NCOA4: variants seen among roughly 807,000 people sequenced by gnomAD.
The protein encoded by NCOA4 is 70 kDa AR-activator.
NCOA4 carries 31 observed loss-of-function variants against 69.5 expected under a neutral mutation model. The observed-to-expected ratio is 0.45, with a 90% confidence interval of 0.34 to 0.60. The LOEUF is 0.60. Among genes scored for constraint, NCOA4 ranks in the 20% least tolerant of loss-of-function variants. The pLI is 0.02. For synonymous variants in NCOA4, 228 were observed against 252.4 expected (o/e 0.90, Z 0.92); for missense variants, 600 against 719.2 (o/e 0.83, Z 1.90).
chr10:46,025,764 T>C (rs1351798027), intron 1 of NCOA4, among the ~76,000 whole-genome samples: 2 of 152,232 alleles, frequency 1.3e-5, no homozygotes, highest in Non-Finnish European at 2.9e-5. Context: ...ATTACCACTG[T>C]AATCTGTATG....
At position 46,019,590 on chromosome 10, in the gene NCOA4, G is replaced by A. The variant is rs533600879; in HGVS notation, c.-14-2896C>T. ...AAAACTCCAGAATTCCGGAACATAC[G>A]GGAGACAAACTCAAATACATACAGT... On this transcript the variant is annotated intron_variant, in intron 1 of 9. Coordinates refer to ENST00000581486, the MANE Select transcript of NCOA4 (RefSeq NM_001145263.2). 11 of 904,454 alleles carry A rather than the reference G, an allele frequency of 1.2e-5. No individual in the cohort carries two copies. In the East Asian group the frequency reaches 7.2e-4, roughly 59 times the overall value. 56.0% of individuals were successfully genotyped at this position (904,454 alleles called of 1,614,324 possible).
Position 46,015,155 on chromosome 10 carries a change from G to A in NCOA4, c.253C>T (p.Leu85Phe), listed in dbSNP as rs1839463575. 6.2e-7 allele frequency: 1 copy of A among 1,614,194 alleles called. No individual in the cohort carries two copies. Among genetic ancestry groups the A allele is most frequent in the Non-Finnish European group, 8.5e-7 (1 of 1,180,036 alleles). The change falls in exon 3 of 10, where the codon CTT becomes TTT. Residue 85 changes from leucine (L) to phenylalanine (F), a missense_variant. Physicochemically the swap from Leu to Phe is conservative, Grantham distance 22. Coordinates refer to ENST00000581486, the MANE Select transcript of NCOA4 (RefSeq NM_001145263.2). ...DLIYQLKEETLQQQAQQLYSL... is the reference protein window; with the variant it reads ...DLIYQLKEETFQQQAQQLYSL... ...TAGAGCTGCTGAGCCTGCTGTTGAAGTGTCTCCTCTTTAAGCTGATAAATA... is the reference window on the plus strand; with the variant it reads ...TAGAGCTGCTGAGCCTGCTGTTGAAATGTCTCCTCTTTAAGCTGATAAATA...
In NCOA4 at chr10:46,010,228, C is replaced by T. The variant is rs1839123679; in HGVS notation, c.1693G>A (p.Ala565Thr). Residue 565 changes from alanine to threonine, a missense_variant, in exon 8 of 10, where the codon GCC becomes ACC. Coordinates refer to ENST00000581486, the MANE Select transcript of NCOA4 (RefSeq NM_001145263.2). ...GEDKWLLRKKAQEVLLNSPLQ... is the reference protein window; with the variant it reads ...GEDKWLLRKKTQEVLLNSPLQ... ...ATTTTGATGTTTATGCTCACCTGGG[C>T]CTTCTTTCGAAGCAGCCACTTGTCT... The T allele has an allele frequency of 6.2e-7, 1 of 1,600,702 alleles. No homozygotes were observed. The highest frequency in any genetic ancestry group is 8.5e-7 in the Non-Finnish European group (1 of 1,175,760).
chr10:46,014,358 G>T, intron 5 of NCOA4, 86 bp downstream of exon 5: 1 of 955,898 alleles, frequency 1.0e-6, no homozygotes, highest in Admixed American at 2.3e-5. Flanking sequence ...TCTCAAGAAA[G>T]TCACTATTCA....
At chr10:46,024,631 A>G (rs946543093) in intron 1 of NCOA4, among the ~76,000 whole-genome samples, 7 of 152,240 alleles carry the variant, frequency 4.6e-5, no homozygotes, top group African/African-American at 1.7e-4. Flanking sequence ...AAAATCACAA[A>G]AATCTAAAAT....
chr10:46,009,050 G>A, intron 9 of NCOA4: 1 of 991,806 alleles, frequency 1.0e-6, no homozygotes, highest in Non-Finnish European at 1.5e-6. Flanking sequence ...ATATGCAATG[G>A]GAAACCAAAG....
At chr10:46,025,781 C>A (rs188379046) in intron 1 of NCOA4, among the ~76,000 whole-genome samples, 2 of 152,176 alleles carry the variant, frequency 1.3e-5, no homozygotes, top group African/African-American at 4.8e-5. Context: ...TATGGGTTTC[C>A]GGCAGGACGC....
chr10:46,010,956 C>G lies in NCOA4; in HGVS notation c.965G>C (p.Arg322Pro), dbSNP rs1194398712. 6.2e-7 allele frequency: 1 copy of G among 1,613,974 alleles called. No homozygotes were observed. Among genetic ancestry groups the G allele is most frequent in the Non-Finnish European group, 8.5e-7 (1 of 1,179,868 alleles). Residue 322 changes from arginine to proline, a missense_variant, in exon 8 of 10, where the codon CGT becomes CCT. Transcript: ENST00000581486. The part of the protein sequence containing the change: ...HKLRKPENGS[R>P]ETSEKFKLLF... ...GAGCTTAAACTTCTCACTGGTTTCA[C>G]GACTGCCATTCTCAGGCTTCCGCAG...
At chr10:46,006,977 C>T (rs782390511) in intron 9 of NCOA4, among the ~76,000 whole-genome samples, 1 of 152,168 alleles carries the variant, frequency 6.6e-6, no homozygotes, top group Non-Finnish European at 1.5e-5. Context: ...TTAAACTTAG[C>T]GAGAAAGTCA....
intron 1 of NCOA4, among the ~76,000 whole-genome samples, chr10:46,024,443 A>C (rs1267396108): frequency 3.9e-5 from 6 of 152,170 alleles, no homozygotes; most frequent in Non-Finnish European, 8.8e-5. Flanking sequence ...TTCTCTCTCT[A>C]AAAGATCCTG....
rs781935886 is a variant in NCOA4, at chr10:46,010,476, A to G, written c.1445T>C (p.Ile482Thr). ...CTTTATGACTTGGAAGGAATCAGCAATTCTAGAAGGAGTCATTGCCTTTGG... is the reference window on the plus strand; with the variant it reads ...CTTTATGACTTGGAAGGAATCAGCAGTTCTAGAAGGAGTCATTGCCTTTGG... ...KAPKAMTPSR[I>T]ADSFQVIKNS... The change falls in exon 8 of 10, where the codon ATT becomes ACT. Residue 482 changes from isoleucine (I) to threonine (T), a missense_variant. Transcript: ENST00000581486. The G allele has an allele frequency of 6.2e-7, 1 of 1,614,228 alleles. No homozygotes were observed. Among genetic ancestry groups the G allele is most frequent in the Non-Finnish European group, 8.5e-7 (1 of 1,180,044 alleles).
intron 1 of NCOA4, among the ~76,000 whole-genome samples, chr10:46,027,703 C>T (rs533482499): frequency 5.4e-4 from 82 of 152,298 alleles, no homozygotes; most frequent in African/African-American, 1.7e-3. Flanking sequence ...TTTAGGCTTG[C>T]CTTTGCAACC....
At chr10:46,027,934 C>T (rs1311528554) in intron 1 of NCOA4, among the ~76,000 whole-genome samples, 7 of 152,308 alleles carry the variant, frequency 4.6e-5, no homozygotes, top group South Asian at 4.1e-4. Context: ...GAAGTATTAC[C>T]TATTTTTATT....
chr10:46,023,615 C>A (rs1367478991), intron 1 of NCOA4, among the ~76,000 whole-genome samples: 1 of 152,212 alleles, frequency 6.6e-6, no homozygotes, highest in East Asian at 1.9e-4. Context: ...CGCCTGCTGC[C>A]CCCGCCCGGC....
At chr10:46,020,407 C>A (rs1422440712) in intron 1 of NCOA4, among the ~76,000 whole-genome samples, 2 of 152,152 alleles carry the variant, frequency 1.3e-5, no homozygotes, top group African/African-American at 4.8e-5. Flanking sequence ...ATATGTCTAC[C>A]GGCACTTAGC....
chr10:46,009,785 A>G (rs782415788), intron 8 of NCOA4, among the ~76,000 whole-genome samples: 1 of 152,218 alleles, frequency 6.6e-6, no homozygotes, highest in African/African-American at 2.4e-5. Context: ...AAAATGCACA[A>G]AAAAATCATA....
Position 46,009,546 on chromosome 10 carries a change from T to C in NCOA4, c.1704A>G (p.Val568=), listed in dbSNP as rs781878741. 8 of 1,601,742 alleles carry C rather than the reference T, an allele frequency of 5.0e-6. No homozygotes were observed. The highest frequency in any genetic ancestry group is 6.8e-6 in the Non-Finnish European group (8 of 1,176,890). The change falls in exon 9 of 10, where the codon GTA becomes GTG. Residue 568 remains valine, a synonymous_variant. Coordinates refer to ENST00000581486, the MANE Select transcript of NCOA4 (RefSeq NM_001145263.2). ...CCTCCTGTAGAGGTGAATTAAGTAA[T>C]ACTTCCTGCAATAAAAGAAAAGAGT... ...KWLLRKKAQE[V]LLNSPLQEEH...
chr10:46,022,526 C>T (rs1193169281), intron 1 of NCOA4: 2 of 440,420 alleles, frequency 4.5e-6, no homozygotes, highest in Admixed American at 2.9e-5. Context: ...AGTGCAGTGG[C>T]GCGATCTCAC....
intron 1 of NCOA4, chr10:46,019,436 T>A (rs1839745207): frequency 6.1e-6 from 6 of 985,502 alleles, no homozygotes; most frequent in Non-Finnish European, 7.2e-6. Context: ...CTTTCAAATG[T>A]GTTACCCAGC....
Sources: allele counts gnomAD v4.1 joint callset (sites outside exome capture counted in the v4.1 genomes callset), GRCh38; gene constraint gnomAD v4.1.1; transcripts MANE v1.5; gene names NCBI Gene and HGNC (gene_info 2026-07-23, HGNC 2026-07-21).